The following CA10 variants were observed in gnomAD, a reference collection of about 807,000 sequenced individuals.
CA10 encodes the protein carbonic anhydrase 10 (inactive).
A neutral mutation model predicts 44.2 loss-of-function variants in CA10; 14 were observed. The ratio of observed to expected loss-of-function variants is 0.32; its 90% CI spans 0.21 to 0.50. The LOEUF (loss-of-function observed/expected upper bound fraction) is 0.50, where lower values mean the gene tolerates loss of function less well. CA10 is among the 20% of genes least tolerant of loss of function. The pLI, the probability that CA10 is intolerant of heterozygous loss-of-function variation, is 0.99. For synonymous variants in CA10, 159 were observed against 141.6 expected (o/e 1.12, Z -0.87); for missense variants, 350 against 409.7 (o/e 0.85, Z 1.26).
chr17:52,135,370 T>C (rs540294028), intron 1 of CA10, among the ~76,000 whole-genome samples: 82 of 152,252 alleles, frequency 5.4e-4, no homozygotes, highest in African/African-American at 1.8e-3. Context: ...GTAAAGGCTT[T>C]TGTGTCCTCT....
At chr17:51,909,464 C>T (rs202127) in intron 3 of CA10, among the ~76,000 whole-genome samples, 1 of 151,938 alleles carries the variant, frequency 6.6e-6, no homozygotes, top group Non-Finnish European at 1.5e-5. Context: ...GCTCAGTGTC[C>T]TCTGCTCTTT....
intron 1 of CA10, chr17:52,134,847 T>C (rs768836024): frequency 1.9e-6 from 1 of 518,788 alleles, no homozygotes; most frequent in East Asian, 5.5e-5. Context: ...ACCCCATGCA[T>C]GAGCCAGAAC....
chr17:51,722,216 A>T (rs937996842), intron 4 of CA10, among the ~76,000 whole-genome samples: 1 of 152,236 alleles, frequency 6.6e-6, no homozygotes, highest in South Asian at 2.1e-4. Context: ...CTTTTACAGC[A>T]TGATTTCAGA....
chr17:51,820,406 C>CGA (rs1907729395), intron 3 of CA10, among the ~76,000 whole-genome samples: 2 of 6,534 alleles, frequency 3.1e-4, no homozygotes, highest in South Asian at 0.021. Context: ...GATTCCCCTA[C>CGA]CCCCCCCCCC....
intron 2 of CA10, among the ~76,000 whole-genome samples, chr17:52,049,109 G>A (rs1295079013): frequency 2.0e-5 from 3 of 152,096 alleles, no homozygotes; most frequent in Non-Finnish European, 1.5e-5. Flanking sequence ...AGTGGTGGGC[G>A]TTAGGAAGAA....
At chr17:51,889,369 A>C (rs969542756) in intron 3 of CA10, among the ~76,000 whole-genome samples, 2 of 152,036 alleles carry the variant, frequency 1.3e-5, no homozygotes, top group Non-Finnish European at 2.9e-5. Context: ...GAAAAATACA[A>C]AAAAATTAGC....
chr17:51,884,462 A>G (rs1980510945), intron 3 of CA10, among the ~76,000 whole-genome samples: 4 of 151,954 alleles, frequency 2.6e-5, no homozygotes. Flanking sequence ...TGCTTGGGCT[A>G]TTCTCCCCTG....
At chr17:51,746,239 G>C (rs1460697610) in intron 4 of CA10, among the ~76,000 whole-genome samples, 1 of 152,188 alleles carries the variant, frequency 6.6e-6, no homozygotes, top group Admixed American at 6.5e-5. Flanking sequence ...CGGGGCTTTT[G>C]CTCGCACTAG....
At chr17:51,794,488 G>A (rs1189583096) in intron 3 of CA10, among the ~76,000 whole-genome samples, 4 of 151,960 alleles carry the variant, frequency 2.6e-5, no homozygotes, top group Non-Finnish European at 5.9e-5. Flanking sequence ...CTCTGTATTG[G>A]GCTGTAAGAC....
chr17:51,931,275 T>C, intron 2 of CA10, 143 bp from the exon 3 acceptor site: 2 of 750,330 alleles, frequency 2.7e-6, no homozygotes, highest in Non-Finnish European at 4.3e-6. Context: ...GGGGTTGCTA[T>C]GGTATTTTCC....
chr17:51,937,873 C>T (rs944002294), intron 2 of CA10, among the ~76,000 whole-genome samples: 2 of 152,064 alleles, frequency 1.3e-5, no homozygotes, highest in Admixed American at 6.6e-5. Context: ...TTATTTTAAT[C>T]CTATTGCTTT....
intron 3 of CA10, among the ~76,000 whole-genome samples, chr17:51,930,453 G>C (rs1342898397): frequency 6.6e-6 from 1 of 152,126 alleles, no homozygotes; most frequent in Non-Finnish European, 1.5e-5. Context: ...TTAGGTGTGA[G>C]AATCACAAAG....
At chr17:51,912,445 C>G (rs1395503645) in intron 3 of CA10, among the ~76,000 whole-genome samples, 8 of 152,116 alleles carry the variant, frequency 5.3e-5, no homozygotes, top group Non-Finnish European at 1.2e-4. Flanking sequence ...AGTTTATTTA[C>G]TGTGCTCCAT....
chr17:52,118,802 CTG>C (rs1182304663), intron 1 of CA10, among the ~76,000 whole-genome samples: 4 of 152,064 alleles, frequency 2.6e-5, no homozygotes, highest in Non-Finnish European at 5.9e-5. Context: ...GTGTTTTTGA[CTG>C]TAACTACCCT....
chr17:51,747,580 A>G, intron 4 of CA10, 53 bp downstream of exon 4: 1 of 1,449,836 alleles, frequency 6.9e-7, no homozygotes. Flanking sequence ...ACAAACAGGC[A>G]CCCAATCTTA....
chr17:51,789,305 C>T (rs760348904), intron 3 of CA10, among the ~76,000 whole-genome samples: 12 of 152,298 alleles, frequency 7.9e-5, no homozygotes, highest in Non-Finnish European at 1.8e-4. Context: ...CGTGAGCCAC[C>T]GTGCCCGGCC....
At chr17:51,887,776 G>T (rs1350090351) in intron 3 of CA10, among the ~76,000 whole-genome samples, 1 of 151,266 alleles carries the variant, frequency 6.6e-6, no homozygotes, top group Non-Finnish European at 1.5e-5. Flanking sequence ...TGGATCATGA[G>T]GTCAGCAGTT....
At chr17:51,933,626 G>A (rs568772855) in intron 2 of CA10, among the ~76,000 whole-genome samples, 11 of 152,194 alleles carry the variant, frequency 7.2e-5, no homozygotes, top group Non-Finnish European at 1.5e-4. Context: ...TGGCAGTAAC[G>A]GAAAAGTAAT....
At chr17:52,055,753 C>T (rs1249282281) in intron 2 of CA10, among the ~76,000 whole-genome samples, 1 of 152,014 alleles carries the variant, frequency 6.6e-6, no homozygotes, top group Non-Finnish European at 1.5e-5. Flanking sequence ...AAAATAAATG[C>T]AAGAATGGCA....
Sources: gnomAD v4.1 joint callset for allele counts (sites outside exome capture counted in the v4.1 genomes callset) on GRCh38, gnomAD v4.1.1 for gene constraint, MANE v1.5 for transcripts, NCBI Gene and HGNC (gene_info 2026-07-23, HGNC 2026-07-21) for gene names.